The following WIPF2 variants were observed in gnomAD, a reference collection of about 807,000 sequenced individuals.
WIPF2 encodes the protein WAS/WASL-interacting protein family member 2.
A neutral mutation model predicts 38.8 loss-of-function variants in WIPF2; 23 were observed. That is an observed-to-expected ratio of 0.59 (90% CI 0.43 to 0.84). The LOEUF (loss-of-function observed/expected upper bound fraction) is 0.84. Ranked by LOEUF, WIPF2 falls within the 40% of genes least tolerant of loss-of-function variation. WIPF2 has a pLI of 0.00. For synonymous variants in WIPF2, 210 were observed against 223.2 expected, an observed-to-expected ratio of 0.94 and a Z score of 0.53; for missense variants, 574 against 580.5, an observed-to-expected ratio of 0.99 and a Z score of 0.11.
At chr17:40,220,472 TAA>T (rs935140787) in intron 1 of WIPF2, 1 of 149,590 alleles carries the variant, frequency 6.7e-6, no homozygotes, top group Non-Finnish European at 1.5e-5. Context: ...CATGGCTCCT[TAA>T]AGCCTCGACC....
chr17:40,232,846 C>T (rs1460362756), intron 1 of WIPF2, among the ~76,000 whole-genome samples: 1 of 151,778 alleles, frequency 6.6e-6, no homozygotes, highest in East Asian at 1.9e-4. Context: ...CCATGTTGGT[C>T]AGGCTGGTCT....
chr17:40,223,903 T>C (rs1452799618), intron 1 of WIPF2, among the ~76,000 whole-genome samples: 1 of 151,812 alleles, frequency 6.6e-6, no homozygotes, highest in Admixed American at 6.6e-5. Context: ...TTATTAAATG[T>C]TCTTTCTTTA....
At chr17:40,222,998 ATG>A (rs1193523331) in intron 1 of WIPF2, among the ~76,000 whole-genome samples, 1 of 150,866 alleles carries the variant, frequency 6.6e-6, no homozygotes, top group Non-Finnish European at 1.5e-5. Flanking sequence ...ACTCTTATTA[ATG>A]TCAACTTTTA....
At chr17:40,255,541 C>A (rs1598485956) in intron 1 of WIPF2, among the ~76,000 whole-genome samples, 2 of 151,534 alleles carry the variant, frequency 1.3e-5, no homozygotes, top group African/African-American at 4.9e-5. Context: ...GTCAGGCTGG[C>A]CTTGAACTCC....
At chr17:40,220,978 C>T (rs2030210272) in intron 1 of WIPF2, among the ~76,000 whole-genome samples, 1 of 151,776 alleles carries the variant, frequency 6.6e-6, no homozygotes, top group African/African-American at 2.4e-5. Context: ...CGGGGTTTCA[C>T]TGTGTTAGCC....
rs948956287 is a variant in WIPF2 at position 40,266,356 on chromosome 17, A to G, written c.970+1210A>G. ...GCTTCTAGTGAGGATGGAAGGAGAA[A>G]AACCAAGAATGTGATGGAAAAACTC... On this transcript the variant is annotated intron_variant, in intron 5 of 7. Transcript: ENST00000323571. 3.9e-5 allele frequency among the ~76,000 whole-genome samples: 6 copies of G among 152,172 alleles called. 1 individual carries two copies. The highest frequency in any genetic ancestry group is 2.6e-4 in the Admixed American group (4 of 15,260).
At chr17:40,273,700 T>TG in intron 5 of WIPF2, 90 bp from the exon 6 acceptor site, 1 of 796,860 alleles carries the variant, frequency 1.3e-6, no homozygotes, top group Non-Finnish European at 2.2e-6. Flanking sequence ...CTCTGTGGGG[T>TG]GTGTTACTCT....
intron 1 of WIPF2, 76 bp from the exon 2 acceptor site, chr17:40,256,313 TGC>T: frequency 8.5e-7 from 1 of 1,180,686 alleles, no homozygotes; most frequent in Non-Finnish European, 1.2e-6. Flanking sequence ...TTGATTACCA[TGC>T]CCAGTTCTCT....
intron 1 of WIPF2, among the ~76,000 whole-genome samples, chr17:40,237,625 T>C (rs964693732): frequency 6.6e-6 from 1 of 151,702 alleles, no homozygotes; most frequent in Non-Finnish European, 1.5e-5. Flanking sequence ...ATTCCTGTTA[T>C]CAGTTTGTTT....
intron 1 of WIPF2, among the ~76,000 whole-genome samples, chr17:40,224,406 ATTTTTTT>A (rs67838907): frequency 1.5e-4 from 13 of 89,106 alleles, no homozygotes; most frequent in African/African-American, 2.8e-4. Context: ...GATTTTTTGT[ATTTTTTT>A]TTTTTTTTTT....
rs1323728338 is a variant in WIPF2, at chr17:40,220,410, T to C, written c.-70+918T>C. 4 of 150,840 alleles carry C rather than the reference T, an allele frequency of 2.7e-5. No homozygotes were observed. The East Asian group carries it at 7.7e-4, about 29-fold the overall frequency. 9.3% of individuals were successfully genotyped at this position (150,840 alleles called of 1,614,324 possible). On this transcript the variant is annotated intron_variant, in intron 1 of 7. Transcript: ENST00000323571. Reference sequence around the variant, plus strand: ...GAATTCTTTTTTCTTTTTTTTTCTTTTAAGAGACGTGGTCTCACTCTGTCG... The same window carrying C: ...GAATTCTTTTTTCTTTTTTTTTCTTCTAAGAGACGTGGTCTCACTCTGTCG...
At position 40,219,419 on chromosome 17, in the gene WIPF2, C is replaced by T. The variant is rs547441940; in HGVS notation, c.-143C>T. Reference sequence around the variant, plus strand: ...GCGGCGACGGCGAGAAAGAGCTTGCCGGGGGGCGAGCAGGACAGGACGAAG... The same window carrying T: ...GCGGCGACGGCGAGAAAGAGCTTGCTGGGGGGCGAGCAGGACAGGACGAAG... On this transcript the variant is annotated 5_prime_UTR_variant, in exon 1 of 8. Transcript: ENST00000323571. 6.3e-5 allele frequency: 24 copies of T among 382,496 alleles called. No individual in the cohort carries two copies. Among genetic ancestry groups the T allele is most frequent in the South Asian group, 4.9e-4 (21 of 42,796 alleles). 23.7% of individuals were successfully genotyped at this position (382,496 alleles called of 1,614,324 possible). A position where few individuals can be genotyped will look rare whatever the true frequency, so the allele number is the denominator to read the frequency against.
intron 1 of WIPF2, among the ~76,000 whole-genome samples, chr17:40,227,387 A>G (rs1263972392): frequency 6.6e-6 from 1 of 152,144 alleles, no homozygotes; most frequent in Non-Finnish European, 1.5e-5. Flanking sequence ...AAGATAAAAA[A>G]GTATATAAGC....
intron 1 of WIPF2, among the ~76,000 whole-genome samples, chr17:40,239,691 CTTTTTTTTTTTT>C (rs748169841): frequency 9.3e-6 from 1 of 107,178 alleles, no homozygotes; most frequent in African/African-American, 3.5e-5. Flanking sequence ...TTCAGCTTTT[CTTTTTTTTTTTT>C]TTTTTTTTTG....
rs1299645243 is a variant in WIPF2, at chr17:40,223,705, T to G, written c.-70+4213T>G. On this transcript the variant is annotated intron_variant, in intron 1 of 7. Transcript: ENST00000323571. ...ACCTCCACCTCCCAGGTTCAAGCGA[T>G]TCTCCTGCCTCAGCCTCCTGAGTAG... Among the ~76,000 whole-genome samples the G allele has an allele frequency of 2.0e-5, 3 of 150,688 alleles. No individual in the cohort carries two copies. The Admixed American group carries it at 2.0e-4, about 10-fold the overall frequency.
In WIPF2 at chr17:40,282,839, T is replaced by C. The variant is rs1035406576; in HGVS notation, c.*4614T>C. The stretch of plus-strand genomic sequence containing the variant: ...AGATCTACTGAATTGGGCAGACTCA[T>C]CTATAGCTTTCTGAGGGTCTTCTCT... On this transcript the variant is annotated 3_prime_UTR_variant, in exon 8 of 8. Coordinates refer to ENST00000323571, the MANE Select transcript of WIPF2 (RefSeq NM_133264.5). 4 of 152,114 alleles carry C rather than the reference T, an allele frequency of 2.6e-5. No homozygotes were observed. Among genetic ancestry groups the C allele is most frequent in the Admixed American group, 2.6e-4 (4 of 15,264 alleles). The allele number at this position is 152,114 out of a possible 1,614,324, so 9.4% of individuals were successfully genotyped here. A position where few individuals can be genotyped will look rare whatever the true frequency, so the allele number is the denominator to read the frequency against.
At chr17:40,258,437 C>T (rs2031797135) in intron 2 of WIPF2, among the ~76,000 whole-genome samples, 1 of 152,084 alleles carries the variant, frequency 6.6e-6, no homozygotes, top group Non-Finnish European at 1.5e-5. Flanking sequence ...ATTAAAAATA[C>T]AAAAATTAGC....
In WIPF2 at chr17:40,236,987, A is replaced by G. The variant is rs138806417; in HGVS notation, c.-70+17495A>G. ...TTAGGATCTTGCCTTTATCCCTGAC[A>G]TTCTGAAATGCAACCATGTTGTGCC... On this transcript the variant is annotated intron_variant, in intron 1 of 7. Transcript: ENST00000323571. Among the ~76,000 whole-genome samples, 13 of 152,210 alleles carry G rather than the reference A, an allele frequency of 8.5e-5. 1 individual carries two copies. The East Asian group carries it at 2.1e-3, about 25-fold the overall frequency.
chr17:40,262,382 C>T, intron 3 of WIPF2, 143 bp from the exon 4 acceptor site: 2 of 615,760 alleles, frequency 3.2e-6, no homozygotes, highest in South Asian at 3.9e-5. Context: ...TGTACCAGGC[C>T]TGCTTTTTTA....
Sources: gnomAD v4.1 joint callset for allele counts (sites outside exome capture counted in the v4.1 genomes callset) on GRCh38, gnomAD v4.1.1 for gene constraint, MANE v1.5 for transcripts, NCBI Gene and HGNC (gene_info 2026-07-23, HGNC 2026-07-21) for gene names.